AMMECR1: variants seen among roughly 807,000 people sequenced by gnomAD.
AMMECR1 encodes the protein AMMECR nuclear protein 1.
Under a neutral mutation model 22.5 loss-of-function variants are expected in AMMECR1, and 3 were observed. That is an observed-to-expected ratio of 0.13 (90% CI 0.06 to 0.35). AMMECR1 has a LOEUF of 0.35. AMMECR1 is among the 10% of genes least tolerant of loss of function. The probability of loss-of-function intolerance (pLI) is 1.00; values close to 1 mark genes in which losing one functional copy is unlikely to be tolerated. For missense variants in AMMECR1, 235 were observed against 278.7 expected, an observed-to-expected ratio of 0.84 and a Z score of 1.12; for synonymous variants, 130 against 116.7, an observed-to-expected ratio of 1.11 and a Z score of -0.74.
At chrX:110,389,811 G>A (rs2068482493) in intron 2 of AMMECR1, among the ~76,000 whole-genome samples, 1 of 110,825 alleles carries the variant, frequency 9.0e-6, no homozygotes. Context: ...CAGAAAGAAG[G>A]AAGGAAGGAA....
chrX:110,352,100 G>A (rs1311473314), intron 2 of AMMECR1, among the ~76,000 whole-genome samples: 1 of 112,052 alleles, frequency 8.9e-6, no homozygotes, highest in African/African-American at 3.2e-5. Context: ...CAAAGATGAG[G>A]AGAAAATGGA....
At chrX:110,288,172 T>C (rs187186188) in intron 1 of AMMECR1, among the ~76,000 whole-genome samples, 8 of 111,731 alleles carry the variant, frequency 7.2e-5, no homozygotes, top group African/African-American at 2.6e-4. Flanking sequence ...AGCCATCAGA[T>C]AGCATAAATC....
intron 2 of AMMECR1, among the ~76,000 whole-genome samples, chrX:110,376,374 G>A (rs1602944954): frequency 9.0e-6 from 1 of 111,319 alleles, no homozygotes; most frequent in South Asian, 3.9e-4. Flanking sequence ...TCCAGACAGG[G>A]ATGTCAGAGT....
At chrX:110,424,061 C>T (rs1386782575) in intron 2 of AMMECR1, among the ~76,000 whole-genome samples, 1 of 111,704 alleles carries the variant, frequency 9.0e-6, no homozygotes, top group Non-Finnish European at 1.9e-5. Context: ...ATTTCATCCT[C>T]ACCACAAAGC....
intron 1 of AMMECR1, among the ~76,000 whole-genome samples, chrX:110,432,587 A>G (rs1301217522): frequency 1.8e-5 from 2 of 111,515 alleles, no homozygotes; most frequent in African/African-American, 6.5e-5. Flanking sequence ...TCTATTTTTC[A>G]CTGTATTGTG....
intron 2 of AMMECR1, among the ~76,000 whole-genome samples, chrX:110,366,062 G>A (rs1040901063): frequency 1.8e-5 from 2 of 111,513 alleles, no homozygotes; most frequent in Non-Finnish European, 3.8e-5. Flanking sequence ...GAGATGGCCC[G>A]GGGAGGACAT....
At chrX:110,229,737 A>G (rs984679626) in intron 2 of AMMECR1, among the ~76,000 whole-genome samples, 3 of 111,832 alleles carry the variant, frequency 2.7e-5, no homozygotes, top group African/African-American at 9.8e-5. Context: ...GTGTTGGGGG[A>G]TTTCCCTTTC....
intron 2 of AMMECR1, among the ~76,000 whole-genome samples, chrX:110,343,389 C>T (rs1180582561): frequency 2.7e-5 from 3 of 111,441 alleles, no homozygotes; most frequent in Admixed American, 9.6e-5. Flanking sequence ...CAATATAATA[C>T]TGAATGGGCA....
chrX:110,327,888 A>G (rs2068104106), intron 2 of AMMECR1, among the ~76,000 whole-genome samples: 1 of 111,805 alleles, frequency 8.9e-6, no homozygotes, highest in South Asian at 3.8e-4. Flanking sequence ...ATTCTCTTCT[A>G]GTCTCATAAA....
chrX:110,369,494 A>C (rs891641202), intron 2 of AMMECR1, among the ~76,000 whole-genome samples: 4 of 111,683 alleles, frequency 3.6e-5, no homozygotes, highest in African/African-American at 1.3e-4. Context: ...CACTGCTACC[A>C]ACTTATTCCA....
At chrX:110,307,107 T>C (rs2067999701) in intron 1 of AMMECR1, 1 of 109,893 alleles carries the variant, frequency 9.1e-6, no homozygotes, top group Non-Finnish European at 1.9e-5. Flanking sequence ...TAGCTGGGCA[T>C]GATGGCAGGT....
At chrX:110,343,296 G>T (rs930062894) in intron 2 of AMMECR1, among the ~76,000 whole-genome samples, 2 of 111,592 alleles carry the variant, frequency 1.8e-5, no homozygotes, top group Non-Finnish European at 3.8e-5. Flanking sequence ...TCAACAGCCC[G>T]TCATGCTAAA....
intron 2 of AMMECR1, among the ~76,000 whole-genome samples, chrX:110,403,439 C>G (rs565191190): frequency 2.9e-4 from 32 of 112,059 alleles, no homozygotes; most frequent in South Asian, 2.3e-3. Flanking sequence ...CACAGACACA[C>G]ACAGACAGAC....
chrX:110,430,601 C>T (rs373774259), intron 1 of AMMECR1, among the ~76,000 whole-genome samples: 10 of 111,707 alleles, frequency 9.0e-5, no homozygotes, highest in African/African-American at 3.3e-4. Flanking sequence ...TGGAAATTTT[C>T]AGTACTGCCA....
intron 3 of AMMECR1, among the ~76,000 whole-genome samples, chrX:110,208,208 ATG>A (rs1293914722): frequency 1.8e-5 from 2 of 112,036 alleles, no homozygotes; most frequent in African/African-American, 6.5e-5. Context: ...ATCCTTTGAG[ATG>A]CGTTTAGAAG....
chrX:110,362,482 C>G (rs1219845061), intron 2 of AMMECR1, among the ~76,000 whole-genome samples: 1 of 112,302 alleles, frequency 8.9e-6, no homozygotes, highest in Non-Finnish European at 1.9e-5. Flanking sequence ...GCAATAGCTT[C>G]TATTGACAAC....
chrX:110,414,594 A>T (rs1390052985), intron 2 of AMMECR1, among the ~76,000 whole-genome samples: 1 of 113,156 alleles, frequency 8.8e-6, no homozygotes, highest in Non-Finnish European at 1.9e-5. Flanking sequence ...TAAGTCACTC[A>T]CTAACGTGAC....
chrX:110,324,122 A>G (rs2068089034), intron 2 of AMMECR1, among the ~76,000 whole-genome samples: 1 of 108,052 alleles, frequency 9.3e-6, no homozygotes, highest in Admixed American at 9.9e-5. Flanking sequence ...TCAACCTCCC[A>G]AGTAGCTGGG....
chrX:110,256,545 T>A (rs1187280367), intron 2 of AMMECR1, among the ~76,000 whole-genome samples: 1 of 111,905 alleles, frequency 8.9e-6, no homozygotes, highest in Non-Finnish European at 1.9e-5. Context: ...GAAAGTTTGC[T>A]CTTTATTTAA....
Sources: allele counts gnomAD v4.1 joint callset (sites outside exome capture counted in the v4.1 genomes callset), GRCh38; gene constraint gnomAD v4.1.1; transcripts MANE v1.5; gene names NCBI Gene and HGNC (gene_info 2026-07-23, HGNC 2026-07-21).